PHF21B: variants seen among roughly 807,000 people sequenced by gnomAD.
PHF21B encodes the protein PHD finger protein 4.
In PHF21B, 22 loss-of-function variants were observed where a neutral mutation model predicts 62.2. That is an observed-to-expected ratio of 0.35 (90% CI 0.25 to 0.51). The LOEUF (loss-of-function observed/expected upper bound fraction) is 0.51, where lower values mean the gene tolerates loss of function less well. Among genes scored for constraint, PHF21B ranks in the 20% least tolerant of loss-of-function variants. The pLI, the probability that PHF21B is intolerant of heterozygous loss-of-function variation, is 0.97. For synonymous variants in PHF21B, 341 were observed against 314.7 expected (o/e 1.08, Z -0.88); for missense variants, 701 against 707.9 (o/e 0.99, Z 0.11).
In PHF21B at chr22:44,903,208, C is replaced by A. The variant is rs186307574; in HGVS notation, c.832-7125G>T. Among the ~76,000 whole-genome samples, 230 of 152,290 alleles carry A rather than the reference C, an allele frequency of 1.5e-3. 1 individual carries two copies. The highest frequency in any genetic ancestry group is 5.3e-3 in the African/African-American group (222 of 41,548). ...AGGCCCAGCTTTCACCTGACCCAGC[C>A]CTGTCTAAGCTAAGACTAGCTCAGA... On this transcript the variant is annotated intron_variant, in intron 5 of 12. Coordinates refer to ENST00000313237, the MANE Select transcript of PHF21B (RefSeq NM_138415.5).
chr22:44,901,758 C>T, intron 5 of PHF21B: 1 of 327,470 alleles, frequency 3.1e-6, no homozygotes, highest in South Asian at 5.9e-5. Flanking sequence ...TCCCAATCTG[C>T]TACATATTCC....
At chr22:44,926,376 G>A (rs909371645) in intron 2 of PHF21B, among the ~76,000 whole-genome samples, 1 of 152,246 alleles carries the variant, frequency 6.6e-6, no homozygotes, top group African/African-American at 2.4e-5. Flanking sequence ...GATGGGGCTG[G>A]CCAGCATATC....
rs1312481514 is a variant in PHF21B, at chr22:44,987,786, CT to C, written c.120+20758del. 4.6e-5 allele frequency among the ~76,000 whole-genome samples: 7 copies of C among 151,190 alleles called. 1 individual carries two copies. The highest frequency in any genetic ancestry group is 4.2e-4 in the South Asian group (2 of 4,764). On this transcript the variant is annotated intron_variant, in intron 2 of 12. Transcript: ENST00000313237. ...GTCTCCTCTCTCTCTCTCTCTCTCT[CT>C]CCTCTCCCCCTCCCCCTTCCTTCTC...
chr22:44,913,565 C>T (rs371968934), intron 5 of PHF21B, among the ~76,000 whole-genome samples: 2 of 152,352 alleles, frequency 1.3e-5, no homozygotes, highest in South Asian at 2.1e-4. Context: ...CAGTGCAGGA[C>T]CCATGCAGAA....
chr22:44,887,079 C>T (rs573206422), intron 10 of PHF21B, among the ~76,000 whole-genome samples: 117 of 151,114 alleles, frequency 7.7e-4, no homozygotes, highest in Non-Finnish European at 1.4e-3. Context: ...TCGCTTGAAC[C>T]CAGAAGGCAG....
intron 10 of PHF21B, 108 bp downstream of exon 10, chr22:44,887,855 C>A: frequency 2.5e-6 from 3 of 1,205,550 alleles, no homozygotes; most frequent in South Asian, 5.7e-5. Context: ...GTTGAAAAAG[C>A]CTTCCTATAC....
chr22:44,981,005 C>T (rs2072831916), intron 2 of PHF21B, among the ~76,000 whole-genome samples: 2 of 152,224 alleles, frequency 1.3e-5, no homozygotes, highest in African/African-American at 2.4e-5. Flanking sequence ...AACATTTCTG[C>T]AAAACGGGAA....
At chr22:44,891,488 A>C in intron 7 of PHF21B, 128 bp from the exon 8 acceptor site, 1 of 1,078,214 alleles carries the variant, frequency 9.3e-7, no homozygotes, top group Non-Finnish European at 1.4e-6. Context: ...CTGGCTGGAC[A>C]CCCCCTGCCA....
chr22:44,959,080 T>G (rs924158063), intron 2 of PHF21B, among the ~76,000 whole-genome samples: 4 of 152,158 alleles, frequency 2.6e-5, no homozygotes, highest in East Asian at 1.9e-4. Context: ...TTTGGAAGCC[T>G]TCTTCTGCTT....
Position 44,983,525 on chromosome 22 carries a change from TG to T in PHF21B, c.120+25019del, listed in dbSNP as rs201575553. 6.8e-4 allele frequency among the ~76,000 whole-genome samples: 104 copies of T among 152,240 alleles called. 3 individuals are homozygous for T. In the East Asian group the frequency reaches 0.017, roughly 25 times the overall value. The stretch of plus-strand genomic sequence containing the variant: ...CCCTGTGGGCATCAGCAGACAAGCC[TG>T]GAAGAGCTGGGCCCTGGGCCGTCGC... On this transcript the variant is annotated intron_variant, in intron 2 of 12. Coordinates refer to ENST00000313237, the MANE Select transcript of PHF21B (RefSeq NM_138415.5).
chr22:44,931,646 G>T (rs1031323043), intron 2 of PHF21B, among the ~76,000 whole-genome samples: 2 of 151,346 alleles, frequency 1.3e-5, no homozygotes, highest in African/African-American at 4.9e-5. Flanking sequence ...ATCTTGGGGG[G>T]GGGGTGTCAA....
chr22:44,925,750 A>G (rs1439159572), intron 2 of PHF21B, among the ~76,000 whole-genome samples: 2 of 152,026 alleles, frequency 1.3e-5, no homozygotes, highest in Non-Finnish European at 2.9e-5. Flanking sequence ...CCCCTAATGC[A>G]TGTCTCAAAG....
chr22:44,963,901 T>G (rs1284625323), intron 2 of PHF21B, among the ~76,000 whole-genome samples: 1 of 152,236 alleles, frequency 6.6e-6, no homozygotes, highest in Non-Finnish European at 1.5e-5. Context: ...TGCCTTTGAC[T>G]CAAATCATTG....
At chr22:45,003,950 C>T (rs771864781) in intron 2 of PHF21B, among the ~76,000 whole-genome samples, 1 of 152,042 alleles carries the variant, frequency 6.6e-6, no homozygotes, top group Non-Finnish European at 1.5e-5. Context: ...CATAATCATA[C>T]TATATAGTCA....
At chr22:44,911,723 C>G (rs2071346673) in intron 5 of PHF21B, among the ~76,000 whole-genome samples, 1 of 152,234 alleles carries the variant, frequency 6.6e-6, no homozygotes, top group African/African-American at 2.4e-5. Flanking sequence ...CATGGAGAAT[C>G]TCTGCTAGGG....
intron 2 of PHF21B, among the ~76,000 whole-genome samples, chr22:44,941,467 G>A (rs899782158): frequency 2.0e-5 from 3 of 152,186 alleles, no homozygotes; most frequent in Non-Finnish European, 2.9e-5. Context: ...CTTCAGCTCT[G>A]GTTTTAATCT....
intron 2 of PHF21B, among the ~76,000 whole-genome samples, chr22:44,969,979 ACAT>A (rs1191110212): frequency 6.6e-6 from 1 of 152,216 alleles, no homozygotes; most frequent in African/African-American, 2.4e-5. Flanking sequence ...TATCATCATC[ACAT>A]CCTCCAGCAG....
At chr22:44,960,353 A>C (rs2072393801) in intron 2 of PHF21B, among the ~76,000 whole-genome samples, 2 of 152,120 alleles carry the variant, frequency 1.3e-5, no homozygotes, top group African/African-American at 2.4e-5. Context: ...AAAATGAGAA[A>C]ATTCTGGGTC....
At chr22:44,981,293 C>T (rs1026285899) in intron 2 of PHF21B, among the ~76,000 whole-genome samples, 1 of 152,216 alleles carries the variant, frequency 6.6e-6, no homozygotes, top group African/African-American at 2.4e-5. Context: ...TGTGTCATCT[C>T]TACCCTCCTC....
Sources: allele counts gnomAD v4.1 joint callset (sites outside exome capture counted in the v4.1 genomes callset), GRCh38; gene constraint gnomAD v4.1.1; transcripts MANE v1.5; gene names NCBI Gene and HGNC (gene_info 2026-07-23, HGNC 2026-07-21).